AP1G1: variants seen among roughly 807,000 people sequenced by gnomAD.
AP1G1 encodes the protein AP-1 complex subunit gamma-1.
In AP1G1, 7 loss-of-function variants were observed where a neutral mutation model predicts 108.3. The observed-to-expected ratio is 0.06, with a 90% CI of 0.04 to 0.12. The LOEUF is 0.12. AP1G1 is among the 10% of genes least tolerant of loss of function. AP1G1 has a pLI of 1.00. For synonymous variants in AP1G1, 379 were observed against 353.5 expected (o/e 1.07, Z -0.81); for missense variants, 756 against 1,010.7 (o/e 0.75, Z 3.42).
rs1394670322 is a variant in AP1G1 at position 71,732,136 on chromosome 16, T to C, written c.*922A>G. 1 of 152,288 alleles carries C rather than the reference T, an allele frequency of 6.6e-6. No individual in the cohort carries two copies. The highest frequency in any genetic ancestry group is 1.5e-5 in the Non-Finnish European group (1 of 68,044). 9.4% of individuals were successfully genotyped at this position (152,288 alleles called of 1,614,324 possible). The stretch of plus-strand genomic sequence containing the variant: ...TACCATAGTTCAAACAGGCAAGTTA[T>C]GGGCTTAGGAGCACTTTAAAATTTG... On this transcript the variant is annotated 3_prime_UTR_variant, in exon 23 of 23. Transcript: ENST00000299980.
At chr16:71,782,596 C>A (rs1423587138) in intron 2 of AP1G1, among the ~76,000 whole-genome samples, 1 of 151,942 alleles carries the variant, frequency 6.6e-6, no homozygotes, top group Non-Finnish European at 1.5e-5. Flanking sequence ...AAGCGATTCT[C>A]CTGCCTCAGT....
Position 71,755,975 on chromosome 16 carries a change from G to A in AP1G1, c.1229+44C>T, listed in dbSNP as rs370276663. 8.3e-5 allele frequency: 131 copies of A among 1,584,600 alleles called. No homozygotes were observed. In the African/African-American group the frequency reaches 1.5e-3, roughly 18 times the overall value. ...CCATGTTTTAAAGACACTTCCAAAA[G>A]TTCCAAGCAGACTTTACCAATAAAG... is the stretch of plus-strand genomic sequence containing the variant. On this transcript the variant is annotated intron_variant, in intron 12 of 22. Transcript: ENST00000299980.
chr16:71,733,296 C>A, intron 22 of AP1G1, 137 bp from the exon 23 acceptor site: 4 of 655,106 alleles, frequency 6.1e-6, no homozygotes, highest in Admixed American at 2.9e-5. Context: ...AGGTAAACAA[C>A]AACAAAAAAC....
chr16:71,760,283 C>G (rs1322674591), intron 10 of AP1G1, among the ~76,000 whole-genome samples: 1 of 149,530 alleles, frequency 6.7e-6, no homozygotes, highest in Non-Finnish European at 1.5e-5. Flanking sequence ...TGGCTCACGC[C>G]TGTAATCCCA....
chr16:71,753,875 G>T lies in AP1G1; in HGVS notation c.1242C>A (p.Ser414=). The change falls in exon 13 of 23, where the codon TCC becomes TCA. Residue 414 remains serine (S), a synonymous_variant. Coordinates refer to ENST00000299980, the MANE Select transcript of AP1G1 (RefSeq NM_001128.6). ...TAATTGTGTCTATATGCCATCGTTTGGAAGGTGCATACCTGAAAAAAACAA... is the reference window on the plus strand; with the variant it reads ...TAATTGTGTCTATATGCCATCGTTTTGAAGGTGCATACCTGAAAAAAACAA... The part of the protein sequence containing the change: ...IFLAAEKYAP[S]KRWHIDTIMR... The T allele has an allele frequency of 1.2e-6, 2 of 1,613,976 alleles. No homozygotes were observed. Among genetic ancestry groups the T allele is most frequent in the Non-Finnish European group, 1.7e-6 (2 of 1,179,928 alleles).
chr16:71,763,897 T>G (rs1314793744), intron 9 of AP1G1, among the ~76,000 whole-genome samples: 1 of 152,144 alleles, frequency 6.6e-6, no homozygotes, highest in African/African-American at 2.4e-5. Flanking sequence ...AATGAAAAAT[T>G]GTCATTAGAA....
chr16:71,782,459 A>G (rs2032057606), intron 2 of AP1G1, among the ~76,000 whole-genome samples: 1 of 148,410 alleles, frequency 6.7e-6, no homozygotes, highest in Admixed American at 6.7e-5. Context: ...CACCGCACCC[A>G]GCCTACAATT....
chr16:71,774,374 A>C, intron 3 of AP1G1, 94 bp downstream of exon 3: 1 of 1,419,242 alleles, frequency 7.0e-7, no homozygotes, highest in Non-Finnish European at 9.6e-7. Context: ...ACTTCACTCC[A>C]GCCTGGGCAA....
At chr16:71,788,177 T>C (rs1434844002) in intron 2 of AP1G1, among the ~76,000 whole-genome samples, 1 of 152,200 alleles carries the variant, frequency 6.6e-6, no homozygotes, top group Non-Finnish European at 1.5e-5. Flanking sequence ...CTCCTTCCAC[T>C]GAAATTACTG....
chr16:71,788,048 G>C (rs1437698189), intron 2 of AP1G1, among the ~76,000 whole-genome samples: 1 of 151,996 alleles, frequency 6.6e-6, no homozygotes, highest in Non-Finnish European at 1.5e-5. Context: ...TCCCACTCTT[G>C]ATCATGTATT....
chr16:71,758,529 C>A (rs1156351303), intron 11 of AP1G1: 1 of 578,528 alleles, frequency 1.7e-6, no homozygotes, highest in Admixed American at 1.9e-5. Context: ...CCTAGCTTAT[C>A]TGTGCCTGTT....
chr16:71,792,769 G>A (rs1026451325), intron 1 of AP1G1, among the ~76,000 whole-genome samples: 4 of 151,470 alleles, frequency 2.6e-5, no homozygotes, highest in Non-Finnish European at 5.9e-5. Context: ...CAGGAGAATC[G>A]CTTTAACCCG....
At chr16:71,765,986 T>A (rs755467545) in intron 6 of AP1G1, among the ~76,000 whole-genome samples, 1 of 152,318 alleles carries the variant, frequency 6.6e-6, no homozygotes, top group East Asian at 1.9e-4. Context: ...GCATGTAACA[T>A]GTCATCATGC....
chr16:71,757,149 T>C (rs1383443923), intron 11 of AP1G1, among the ~76,000 whole-genome samples: 1 of 152,064 alleles, frequency 6.6e-6, no homozygotes, highest in African/African-American at 2.4e-5. Context: ...GTACACTGAC[T>C]TTCAAAAGTA....
intron 1 of AP1G1, among the ~76,000 whole-genome samples, chr16:71,798,749 A>G (rs1299475495): frequency 6.6e-6 from 1 of 151,874 alleles, no homozygotes; most frequent in Non-Finnish European, 1.5e-5. Context: ...TTAGCCGGGC[A>G]TGGTGGCGGG....
intron 12 of AP1G1, 79 bp downstream of exon 12, chr16:71,755,940 A>C: frequency 1.4e-6 from 2 of 1,479,474 alleles, no homozygotes; most frequent in Non-Finnish European, 1.8e-6. Context: ...CACCGCGCCC[A>C]GCCCCCTCCC....
intron 18 of AP1G1, 35 bp from the exon 19 acceptor site, chr16:71,745,305 T>C: frequency 6.2e-7 from 1 of 1,613,172 alleles, no homozygotes; most frequent in Non-Finnish European, 8.5e-7. Flanking sequence ...TTCATTATTA[T>C]TTGATTTGTC....
intron 5 of AP1G1, 39 bp from the exon 6 acceptor site, chr16:71,769,738 T>G: frequency 1.3e-6 from 2 of 1,510,814 alleles, no homozygotes; most frequent in Non-Finnish European, 1.8e-6. Flanking sequence ...AAATGAGGCC[T>G]ATTATTCAAT....
intron 1 of AP1G1, among the ~76,000 whole-genome samples, chr16:71,800,061 AAAT>A (rs1026146436): frequency 6.6e-6 from 1 of 151,484 alleles, no homozygotes; most frequent in Admixed American, 6.6e-5. Context: ...TCTTTTAAAA[AAAT>A]AATAATAAAG....
Sources: gnomAD v4.1 joint callset for allele counts (sites outside exome capture counted in the v4.1 genomes callset) on GRCh38, gnomAD v4.1.1 for gene constraint, MANE v1.5 for transcripts, NCBI Gene and HGNC (gene_info 2026-07-23, HGNC 2026-07-21) for gene names.